Variants in KHDRBS2 observed in about 807,000 individuals in gnomAD.
KHDRBS2 encodes the protein KH domain-containing, RNA-binding, signal transduction-associated protein 2.
KHDRBS2 carries 26 observed loss-of-function variants against 44.3 expected under a neutral mutation model. That is an observed-to-expected ratio of 0.59 (90% confidence interval 0.43 to 0.81). The LOEUF (loss-of-function observed/expected upper bound fraction) is 0.81, where lower values mean the gene tolerates loss of function less well. KHDRBS2 is among the 40% of genes least tolerant of loss of function. The pLI, the probability that KHDRBS2 is intolerant of heterozygous loss-of-function variation, is 0.00. For missense variants in KHDRBS2, 476 were observed against 433.1 expected (o/e 1.10, Z -0.88); for synonymous variants, 194 against 151.1 (o/e 1.28, Z -2.08).
chr6:62,016,185 C>T lies in KHDRBS2; in HGVS notation c.336+31693G>A, dbSNP rs546758336. ...ATAAGCTTATACTTGGGAATTTCAC[C>T]TTTAGACCCCAGGATATATTTAATA... On this transcript the variant is annotated intron_variant, in intron 3 of 8. Transcript: ENST00000281156. Among the ~76,000 whole-genome samples, 29 of 152,048 alleles carry T rather than the reference C, an allele frequency of 1.9e-4. No individual in the cohort carries two copies. The East Asian group carries it at 5.4e-3, about 28-fold the overall frequency.
chr6:61,812,229 T>A (rs1439329102), intron 6 of KHDRBS2, among the ~76,000 whole-genome samples: 1 of 151,958 alleles, frequency 6.6e-6, no homozygotes, highest in Non-Finnish European at 1.5e-5. Flanking sequence ...CTTTCAGCAC[T>A]CTTTAAAATA....
the KHDRBS2 span, among the ~76,000 whole-genome samples, chr6:61,602,399 G>A: frequency 1.3e-5 from 2 of 152,080 alleles, no homozygotes; most frequent in Admixed American, 1.3e-4. Flanking sequence ...TGGCTGCTGG[G>A]CCAAGGAATG....
chr6:61,616,653 A>G, the KHDRBS2 span, among the ~76,000 whole-genome samples: 1 of 152,118 alleles, frequency 6.6e-6, no homozygotes, highest in Non-Finnish European at 1.5e-5. Flanking sequence ...TATATTGCAC[A>G]TGTAGTGTTG....
chr6:61,667,991 T>C, the KHDRBS2 span, among the ~76,000 whole-genome samples: 2 of 151,208 alleles, frequency 1.3e-5, no homozygotes, highest in Non-Finnish European at 3.0e-5. Flanking sequence ...TACCTATGAG[T>C]AATTAAGTTT....
rs185642429 is a variant in KHDRBS2, at chr6:62,051,152, G to T, written c.220-3158C>A. 1.8e-3 allele frequency among the ~76,000 whole-genome samples: 268 copies of T among 152,108 alleles called. 2 individuals are homozygous for T. Among genetic ancestry groups the T allele is most frequent in the African/African-American group, 6.3e-3 (261 of 41,550 alleles). On this transcript the variant is annotated intron_variant, in intron 2 of 8. Coordinates refer to ENST00000281156, the MANE Select transcript of KHDRBS2 (RefSeq NM_152688.4). The stretch of plus-strand genomic sequence containing the variant: ...GAAAGCGGCATGAAGGAAATATCTG[G>T]GGTGACAGAAATGCTCTATATTTGT...
chr6:61,613,707 T>C, the KHDRBS2 span, among the ~76,000 whole-genome samples: 2 of 152,218 alleles, frequency 1.3e-5, no homozygotes, highest in African/African-American at 4.8e-5. Context: ...TTAATTCTAC[T>C]GAATAATGCA....
At chr6:62,064,527 G>A (rs1173783489) in intron 2 of KHDRBS2, among the ~76,000 whole-genome samples, 67 of 146,766 alleles carry the variant, frequency 4.6e-4, no homozygotes, top group African/African-American at 1.6e-3. Context: ...ACAAGCAATG[G>A]GGAAAGGATT....
At chr6:62,090,395 C>T (rs1177677633) in intron 2 of KHDRBS2, among the ~76,000 whole-genome samples, 1 of 152,052 alleles carries the variant, frequency 6.6e-6, no homozygotes, top group Non-Finnish European at 1.5e-5. Flanking sequence ...ATGTATTAAT[C>T]AATAATTCTG....
the KHDRBS2 span, among the ~76,000 whole-genome samples, chr6:61,604,707 T>G: frequency 6.6e-6 from 1 of 152,180 alleles, no homozygotes; most frequent in Admixed American, 6.5e-5. Flanking sequence ...GCTTGGGGAT[T>G]TGCCCCTGCC....
chr6:61,770,086 G>C (rs372794849), intron 6 of KHDRBS2, among the ~76,000 whole-genome samples: 1 of 152,174 alleles, frequency 6.6e-6, no homozygotes, highest in Non-Finnish European at 1.5e-5. Context: ...GGTCTGGAGT[G>C]GACCTCTGGC....
intron 6 of KHDRBS2, among the ~76,000 whole-genome samples, chr6:61,863,896 A>G (rs1325236787): frequency 1.3e-5 from 2 of 152,146 alleles, no homozygotes; most frequent in African/African-American, 4.8e-5. Context: ...AAAGTCTCCA[A>G]CTATTATTGT....
intron 1 of KHDRBS2, among the ~76,000 whole-genome samples, chr6:62,225,556 A>T (rs1028630331): frequency 8.5e-5 from 13 of 152,184 alleles, no homozygotes; most frequent in African/African-American, 3.1e-4. Context: ...CCAGGAGGAG[A>T]CAAGTGCAGA....
At chr6:61,743,611 T>C (rs1411599885) in intron 6 of KHDRBS2, among the ~76,000 whole-genome samples, 1 of 152,062 alleles carries the variant, frequency 6.6e-6, no homozygotes, top group Non-Finnish European at 1.5e-5. Context: ...AATCAGTGTT[T>C]TATCCTTATT....
chr6:61,802,300 C>G (rs1786409330), intron 6 of KHDRBS2, among the ~76,000 whole-genome samples: 1 of 152,144 alleles, frequency 6.6e-6, no homozygotes, highest in South Asian at 2.1e-4. Context: ...GATAATAAGT[C>G]AATATTATTT....
intron 1 of KHDRBS2, among the ~76,000 whole-genome samples, chr6:62,242,823 T>C (rs1834910156): frequency 6.6e-6 from 1 of 152,302 alleles, no homozygotes; most frequent in East Asian, 1.9e-4. Flanking sequence ...TCTGCCCTTA[T>C]GGCAGTGACA....
At chr6:61,889,755 A>G (rs1801535700) in intron 6 of KHDRBS2, among the ~76,000 whole-genome samples, 1 of 152,144 alleles carries the variant, frequency 6.6e-6, no homozygotes, top group Admixed American at 6.5e-5. Context: ...ACGCTCCAAC[A>G]GCACCATGAA....
chr6:62,211,087 T>A (rs1293908515), intron 1 of KHDRBS2, among the ~76,000 whole-genome samples: 1 of 152,096 alleles, frequency 6.6e-6, no homozygotes, highest in Non-Finnish European at 1.5e-5. Context: ...TGGGATACAA[T>A]ACACCAGAAA....
intron 6 of KHDRBS2, among the ~76,000 whole-genome samples, chr6:61,892,830 A>C (rs1802169919): frequency 6.6e-6 from 1 of 152,200 alleles, no homozygotes; most frequent in South Asian, 2.1e-4. Context: ...ACCATTCAGG[A>C]CATAGGCATG....
At chr6:62,128,379 T>C (rs1809459452) in intron 2 of KHDRBS2, among the ~76,000 whole-genome samples, 1 of 152,158 alleles carries the variant, frequency 6.6e-6, no homozygotes, top group Non-Finnish European at 1.5e-5. Context: ...ATCTTTGTGT[T>C]CCTGTAAATA....
Sources: gnomAD v4.1 joint callset for allele counts (sites outside exome capture counted in the v4.1 genomes callset) on GRCh38, gnomAD v4.1.1 for gene constraint, MANE v1.5 for transcripts, NCBI Gene and HGNC (gene_info 2026-07-23, HGNC 2026-07-21) for gene names.